Variants in KCNJ4 observed in about 807,000 individuals in gnomAD.
KCNJ4 encodes the protein inward rectifier potassium channel 4.
A neutral mutation model predicts 25.6 loss-of-function variants in KCNJ4; 3 were observed. The ratio of observed to expected loss-of-function variants is 0.12; its 90% CI spans 0.05 to 0.30. The LOEUF (loss-of-function observed/expected upper bound fraction) is 0.30. KCNJ4 is among the 10% of genes least tolerant of loss of function. The pLI, the probability that KCNJ4 is intolerant of heterozygous loss-of-function variation, is 1.00. For missense variants in KCNJ4, 286 were observed against 666.8 expected, an observed-to-expected ratio of 0.43 and a Z score of 6.29; for synonymous variants, 257 against 283.9, an observed-to-expected ratio of 0.91 and a Z score of 0.95.
Position 38,426,532 on chromosome 22 carries a change from G to A in KCNJ4, c.*263C>T. On this transcript the variant is annotated 3_prime_UTR_variant, in exon 2 of 2. Transcript: ENST00000303592. The stretch of plus-strand genomic sequence containing the variant: ...AAGAGGGCACGTCCTTGAAGAGTCA[G>A]TGGGGGAAGGGTGGTGGATCCGGGG... 2 of 435,562 alleles carry A rather than the reference G, an allele frequency of 4.6e-6. No individual in the cohort carries two copies. Among genetic ancestry groups the A allele is most frequent in the Admixed American group, 3.9e-5 (1 of 25,404 alleles). The allele number at this position is 435,562 out of a possible 1,614,324, so 27.0% of individuals were successfully genotyped here. A position where few individuals can be genotyped will look rare whatever the true frequency, so the allele number is the denominator to read the frequency against.
chr22:38,452,655 G>C (rs1386868646), intron 1 of KCNJ4, among the ~76,000 whole-genome samples: 2 of 152,110 alleles, frequency 1.3e-5, no homozygotes, highest in African/African-American at 4.8e-5. Flanking sequence ...GGCATCCTAG[G>C]GGGAGAGGCA....
intron 1 of KCNJ4, among the ~76,000 whole-genome samples, chr22:38,450,894 C>T (rs921003537): frequency 6.6e-6 from 1 of 151,990 alleles, no homozygotes; most frequent in South Asian, 2.1e-4. Flanking sequence ...CAGGGAGGAA[C>T]GTTTTCCACT....
At chr22:38,448,919 C>T (rs1401430928) in intron 1 of KCNJ4, among the ~76,000 whole-genome samples, 1 of 152,180 alleles carries the variant, frequency 6.6e-6, no homozygotes, top group Non-Finnish European at 1.5e-5. Context: ...CTGGGGGCCC[C>T]CCAGGCCTAG....
chr22:38,452,255 G>A (rs1055546404), intron 1 of KCNJ4, among the ~76,000 whole-genome samples: 1 of 152,154 alleles, frequency 6.6e-6, no homozygotes. Flanking sequence ...CTCCACATGA[G>A]GCAAGGGGCT....
chr22:38,432,438 T>C (rs1026071878), intron 1 of KCNJ4, among the ~76,000 whole-genome samples: 1 of 152,176 alleles, frequency 6.6e-6, no homozygotes, highest in Non-Finnish European at 1.5e-5. Flanking sequence ...GCTTGTTTTC[T>C]GCGATGGAGG....
At position 38,444,165 on chromosome 22, in the gene KCNJ4, T is replaced by C. The variant is rs2089357205; in HGVS notation, c.-40+10815A>G. The stretch of plus-strand genomic sequence containing the variant: ...TGGCAGCCCTTAGCAGTCAAACCAG[T>C]CTCATCTGCAACATCATTACAGGCA... On this transcript the variant is annotated intron_variant, in intron 1 of 1. Transcript: ENST00000303592. Among the ~76,000 whole-genome samples, 4 of 152,162 alleles carry C rather than the reference T, an allele frequency of 2.6e-5. No homozygotes were observed. The South Asian group carries it at 8.3e-4, about 32-fold the overall frequency.
intron 1 of KCNJ4, among the ~76,000 whole-genome samples, chr22:38,434,478 A>C (rs967081929): frequency 4.6e-5 from 7 of 152,178 alleles, no homozygotes; most frequent in Admixed American, 3.3e-4. Flanking sequence ...TCTCCTCCCC[A>C]GCTGAAGAAT....
In KCNJ4 at chr22:38,426,544, T is replaced by TG. The variant is rs2093032847; in HGVS notation, c.*250dup. On this transcript the variant is annotated 3_prime_UTR_variant, in exon 2 of 2. Transcript: ENST00000303592. Reference sequence around the variant, plus strand: ...CCTTGAAGAGTCAGTGGGGGAAGGGTGGTGGATCCGGGGACCTAGAGCCAC... The same window carrying TG: ...CCTTGAAGAGTCAGTGGGGGAAGGGTGGGTGGATCCGGGGACCTAGAGCCAC... 2.3e-6 allele frequency: 1 copy of TG among 443,610 alleles called. No individual in the cohort carries two copies. The highest frequency in any genetic ancestry group is 4.0e-5 in the Admixed American group (1 of 25,296). 27.5% of individuals were successfully genotyped at this position (443,610 alleles called of 1,614,324 possible). A position where few individuals can be genotyped will look rare whatever the true frequency, so the allele number is the denominator to read the frequency against.
intron 1 of KCNJ4, among the ~76,000 whole-genome samples, chr22:38,445,074 CGT>C (rs766171651): frequency 2.0e-5 from 3 of 151,388 alleles, no homozygotes; most frequent in African/African-American, 4.9e-5. Flanking sequence ...CGTGTGTGTG[CGT>C]GTGTGTGTGT....
chr22:38,441,904 G>C (rs1234670305), intron 1 of KCNJ4, among the ~76,000 whole-genome samples: 1 of 152,246 alleles, frequency 6.6e-6, no homozygotes, highest in Non-Finnish European at 1.5e-5. Flanking sequence ...TCTGTGAGGA[G>C]CAATGTAGGT....
rs549082618 is a variant in KCNJ4, at chr22:38,433,378, G to A, written c.-39-5207C>T. 2.8e-4 allele frequency among the ~76,000 whole-genome samples: 43 copies of A among 151,804 alleles called. 1 individual carries two copies. Among genetic ancestry groups the A allele is most frequent in the African/African-American group, 7.7e-4 (32 of 41,402 alleles). ...GGAGAATCACTTGAACCTGGGAGGCGGAGGTTGCAGTGAGCCGAGATCGTG... is the reference window on the plus strand; with the variant it reads ...GGAGAATCACTTGAACCTGGGAGGCAGAGGTTGCAGTGAGCCGAGATCGTG... On this transcript the variant is annotated intron_variant, in intron 1 of 1. Transcript: ENST00000303592.
rs780946832 is a variant in KCNJ4 at position 38,426,763 on chromosome 22, T to C, written c.*32A>G. 1 of 1,577,732 alleles carries C rather than the reference T, an allele frequency of 6.3e-7. No individual in the cohort carries two copies. Among genetic ancestry groups the C allele is most frequent in the East Asian group, 2.2e-5 (1 of 44,462 alleles). On this transcript the variant is annotated 3_prime_UTR_variant, in exon 2 of 2. Transcript: ENST00000303592. ...GGCATCCCACCCCCGGCAGAGGCTC[T>C]TGTGGGCAGTGGTGAGGGCCGGGCC... is the stretch of plus-strand genomic sequence containing the variant.
chr22:38,441,403 T>C (rs11912317), intron 1 of KCNJ4, among the ~76,000 whole-genome samples: 25 of 152,096 alleles, frequency 1.6e-4, no homozygotes, highest in African/African-American at 6.0e-4. Context: ...CTGATCATCA[T>C]CTGACCCTCA....
intron 1 of KCNJ4, among the ~76,000 whole-genome samples, chr22:38,437,838 C>T (rs1017922666): frequency 2.6e-5 from 4 of 152,158 alleles, no homozygotes; most frequent in African/African-American, 9.7e-5. Flanking sequence ...CGCAGTGGCT[C>T]ATGCCTGTAA....
chr22:38,429,798 T>C (rs2093044164), intron 1 of KCNJ4, among the ~76,000 whole-genome samples: 1 of 152,234 alleles, frequency 6.6e-6, no homozygotes, highest in African/African-American at 2.4e-5. Context: ...GGACTGGGCC[T>C]GGGTTCCCAA....
chr22:38,447,205 C>T (rs1461663644), intron 1 of KCNJ4, among the ~76,000 whole-genome samples: 1 of 152,110 alleles, frequency 6.6e-6, no homozygotes, highest in Non-Finnish European at 1.5e-5. Flanking sequence ...GTTTCTCTGC[C>T]CCAGAGGGCA....
At chr22:38,429,516 T>C (rs2093042950) in intron 1 of KCNJ4, among the ~76,000 whole-genome samples, 1 of 152,054 alleles carries the variant, frequency 6.6e-6, no homozygotes, top group African/African-American at 2.4e-5. Flanking sequence ...GCACCAAAAC[T>C]CCCTACCTCA....
chr22:38,453,272 C>T (rs1023885553), intron 1 of KCNJ4, among the ~76,000 whole-genome samples: 1 of 152,088 alleles, frequency 6.6e-6, no homozygotes, highest in Non-Finnish European at 1.5e-5. Context: ...TATCATCATA[C>T]CTATTCTCCA....
At chr22:38,447,046 C>T (rs1445186653) in intron 1 of KCNJ4, among the ~76,000 whole-genome samples, 3 of 152,108 alleles carry the variant, frequency 2.0e-5, no homozygotes, top group Non-Finnish European at 2.9e-5. Flanking sequence ...CCCCAGATTC[C>T]GCAGCTGCTA....
Sources: gnomAD v4.1 joint callset for allele counts (sites outside exome capture counted in the v4.1 genomes callset) on GRCh38, gnomAD v4.1.1 for gene constraint, MANE v1.5 for transcripts, NCBI Gene and HGNC (gene_info 2026-07-23, HGNC 2026-07-21) for gene names.